Variants in NLGN1 observed in about 807,000 individuals in gnomAD.
The protein encoded by NLGN1 is neuroligin 1.
Under a neutral mutation model 65.5 loss-of-function variants are expected in NLGN1, and 12 were observed. The observed-to-expected ratio is 0.18, with a 90% confidence interval of 0.12 to 0.30. The LOEUF (loss-of-function observed/expected upper bound fraction) is 0.30, where lower values mean the gene tolerates loss of function less well. Among genes scored for constraint, NLGN1 ranks in the 10% least tolerant of loss-of-function variants. The probability of loss-of-function intolerance (pLI) is 1.00; values close to 1 mark genes in which losing one functional copy is unlikely to be tolerated. For synonymous variants in NLGN1, 350 were observed against 359.5 expected (o/e 0.97, Z 0.30); for missense variants, 750 against 1,007.1 (o/e 0.74, Z 3.46).
chr3:174,193,024 T>A (rs6806890), intron 4 of NLGN1, among the ~76,000 whole-genome samples: 80,970 of 151,812 alleles, frequency 0.53, 22,322 homozygotes, highest in East Asian at 0.82. Context: ...AAAGCACTTA[T>A]TACATTGGTA....
At chr3:174,090,750 T>TC (rs1744354972) in intron 4 of NLGN1, among the ~76,000 whole-genome samples, 1 of 151,640 alleles carries the variant, frequency 6.6e-6, no homozygotes, top group African/African-American at 2.4e-5. Context: ...TTTTTTTTTT[T>TC]CAGAATGTTA....
Position 173,647,031 on chromosome 3 carries a change from A to G in NLGN1, c.493+41940A>G, listed in dbSNP as rs943150392. On this transcript the variant is annotated intron_variant, in intron 3 of 6. Coordinates refer to ENST00000457714, the Ensembl canonical transcript of NLGN1. The stretch of plus-strand genomic sequence containing the variant: ...TTAACATTACTCAAAAGAAAGCCAG[A>G]ATGGCTATGTTAATATCAGTTATAC... Among the ~76,000 whole-genome samples the G allele has an allele frequency of 2.0e-5, 3 of 152,186 alleles. No individual in the cohort carries two copies. In the South Asian group the frequency reaches 6.2e-4, roughly 31 times the overall value.
chr3:174,216,851 C>T (rs1737708265), intron 4 of NLGN1, among the ~76,000 whole-genome samples: 1 of 152,028 alleles, frequency 6.6e-6, no homozygotes, highest in Admixed American at 6.6e-5. Context: ...ACCTGAGTCA[C>T]ATCATTAGTG....
chr3:173,943,736 A>G (rs370299881), intron 4 of NLGN1, among the ~76,000 whole-genome samples: 1 of 152,308 alleles, frequency 6.6e-6, no homozygotes, highest in Non-Finnish European at 1.5e-5. Flanking sequence ...ATCTCTTAGC[A>G]TTATTGCTGA....
At chr3:174,204,356 C>A (rs1193314748) in intron 4 of NLGN1, among the ~76,000 whole-genome samples, 1 of 152,102 alleles carries the variant, frequency 6.6e-6, no homozygotes, top group African/African-American at 2.4e-5. Context: ...AAAATTTTAA[C>A]CTAAAATGTG....
chr3:174,265,474 C>T (rs1366271963), intron 4 of NLGN1, among the ~76,000 whole-genome samples: 1 of 152,040 alleles, frequency 6.6e-6, no homozygotes, highest in African/African-American at 2.4e-5. Context: ...TTCTTTGACT[C>T]GGAAAGGGAA....
chr3:174,209,705 T>C (rs1468350442), intron 4 of NLGN1, among the ~76,000 whole-genome samples: 1 of 138,156 alleles, frequency 7.2e-6, no homozygotes, highest in Non-Finnish European at 1.5e-5. Context: ...TGATCTCGGC[T>C]CACTGCAACC....
intron 1 of NLGN1, among the ~76,000 whole-genome samples, chr3:173,418,854 T>A (rs766971441): frequency 5.3e-5 from 8 of 152,060 alleles, no homozygotes; most frequent in South Asian, 2.1e-4. Flanking sequence ...TGTTATTAAG[T>A]ATGATATAAG....
chr3:173,617,739 C>T (rs1294361796), intron 3 of NLGN1, among the ~76,000 whole-genome samples: 1 of 152,144 alleles, frequency 6.6e-6, no homozygotes, highest in Non-Finnish European at 1.5e-5. Flanking sequence ...AGCCTTATTG[C>T]CTCTGCACTG....
intron 3 of NLGN1, among the ~76,000 whole-genome samples, chr3:173,781,006 T>C (rs1781047893): frequency 6.6e-6 from 1 of 150,868 alleles, no homozygotes; most frequent in Non-Finnish European, 1.5e-5. Flanking sequence ...TAGCCAGGCG[T>C]GGTGGCGGGC....
chr3:173,651,175 A>G (rs2149641949), intron 3 of NLGN1, among the ~76,000 whole-genome samples: 1 of 151,918 alleles, frequency 6.6e-6, no homozygotes, highest in Admixed American at 6.6e-5. Flanking sequence ...CTAGGTGGGA[A>G]TGGGTAGTGT....
chr3:173,763,964 G>A (rs1206728332), intron 3 of NLGN1, among the ~76,000 whole-genome samples: 1 of 152,076 alleles, frequency 6.6e-6, no homozygotes, highest in African/African-American at 2.4e-5. Context: ...CATAAAATCT[G>A]TACTGTGCTC....
chr3:173,736,785 T>G (rs1021156240), intron 3 of NLGN1, among the ~76,000 whole-genome samples: 2 of 152,054 alleles, frequency 1.3e-5, no homozygotes, highest in African/African-American at 4.8e-5. Context: ...GACTTCAAAG[T>G]AGAAATATAT....
At chr3:173,702,589 C>T (rs1285082867) in intron 3 of NLGN1, among the ~76,000 whole-genome samples, 2 of 152,156 alleles carry the variant, frequency 1.3e-5, no homozygotes, top group Non-Finnish European at 2.9e-5. Flanking sequence ...ATTAAAAGAA[C>T]ATCATATGAT....
intron 2 of NLGN1, among the ~76,000 whole-genome samples, chr3:173,577,715 A>T (rs531619987): frequency 1.3e-5 from 2 of 152,326 alleles, no homozygotes; most frequent in African/African-American, 4.8e-5. Flanking sequence ...TTTTATTCAC[A>T]TACAAGCAAA....
chr3:174,094,977 C>A (rs911842030), intron 4 of NLGN1, among the ~76,000 whole-genome samples: 3 of 151,882 alleles, frequency 2.0e-5, no homozygotes, highest in Non-Finnish European at 2.9e-5. Context: ...CTTGGAAAGG[C>A]CAAAGAGAAT....
In NLGN1 at chr3:173,438,573, T is replaced by C. The variant is rs138570841; in HGVS notation, c.-321+3495T>C. 1.4e-4 allele frequency among the ~76,000 whole-genome samples: 22 copies of C among 152,280 alleles called. No homozygotes were observed. The East Asian group carries it at 3.7e-3, about 25-fold the overall frequency. ...ATGATTCTAATATTGATACCTGTTA[T>C]AATTATGAATCACTGATAAAAAGTT... On this transcript the variant is annotated intron_variant, in intron 2 of 6. Transcript: ENST00000457714.
chr3:173,658,450 C>T (rs889685732), intron 3 of NLGN1, among the ~76,000 whole-genome samples: 9 of 151,898 alleles, frequency 5.9e-5, no homozygotes, highest in South Asian at 2.1e-4. Context: ...AGCAATAATC[C>T]GAATTTGTTC....
chr3:173,852,257 G>A (rs547849091), intron 4 of NLGN1, among the ~76,000 whole-genome samples: 1 of 149,330 alleles, frequency 6.7e-6, no homozygotes, highest in African/African-American at 2.5e-5. Context: ...TCGGGAGGCT[G>A]AGGCAGGAGA....
Sources: allele counts gnomAD v4.1 joint callset (sites outside exome capture counted in the v4.1 genomes callset), GRCh38; gene constraint gnomAD v4.1.1; transcripts MANE v1.5; gene names NCBI Gene and HGNC (gene_info 2026-07-23, HGNC 2026-07-21).